The following TFCP2L1 variants were observed in gnomAD, a reference collection of about 807,000 sequenced individuals.
The protein encoded by TFCP2L1 is transcription factor CP2-like protein 1.
Under a neutral mutation model 72.2 loss-of-function variants are expected in TFCP2L1, and 12 were observed. The observed-to-expected ratio is 0.17, with a 90% confidence interval of 0.11 to 0.27. The LOEUF is 0.27. TFCP2L1 is among the 10% of genes least tolerant of loss of function. The pLI, the probability that TFCP2L1 is intolerant of heterozygous loss-of-function variation, is 1.00. For synonymous variants in TFCP2L1, 260 were observed against 251.0 expected (o/e 1.04, Z -0.34); for missense variants, 488 against 624.6 (o/e 0.78, Z 2.33).
chr2:121,235,377 A>G, intron 10 of TFCP2L1, 66 bp from the exon 11 acceptor site: 19 of 1,367,272 alleles, frequency 1.4e-5, no homozygotes, highest in Non-Finnish European at 1.9e-5. Flanking sequence ...GTCCCCAACC[A>G]GCTGCAGACC....
chr2:121,275,398 C>CAAAAAAAAAAAAAAAA lies in TFCP2L1; in HGVS notation c.214+5706_214+5721dup, dbSNP rs575514638. ...TGGGCGACAGCACGAGACTCCATCT[C>CAAAAAAAAAAAAAAAA]AAAAAAAAAAAAAAAAAGAAATAAC... On this transcript the variant is annotated intron_variant, in intron 2 of 14. Transcript: ENST00000263707. 6.2e-4 allele frequency among the ~76,000 whole-genome samples: 41 copies of CAAAAAAAAAAAAAAAA among 65,690 alleles called. 1 individual carries two copies. The highest frequency in any genetic ancestry group is 1.9e-3 in the African/African-American group (28 of 14,572). The allele number at this position is 65,690 out of a possible 152,430, so 43.1% of individuals were successfully genotyped here.
At position 121,277,542 on chromosome 2, in the gene TFCP2L1, G is replaced by A. The variant is rs371827058; in HGVS notation, c.214+3578C>T. 9.6e-4 allele frequency among the ~76,000 whole-genome samples: 146 copies of A among 152,168 alleles called. 4 individuals carry two copies. The South Asian group carries it at 0.028, about 29-fold the overall frequency. On this transcript the variant is annotated intron_variant, in intron 2 of 14. Transcript: ENST00000263707. ...TTGATCCAGAAATTCTACTTCTTAG[G>A]TATTTATTTTTAAAATACATAAATA...
intron 2 of TFCP2L1, among the ~76,000 whole-genome samples, chr2:121,262,753 G>C (rs1686850382): frequency 6.6e-6 from 1 of 152,166 alleles, no homozygotes; most frequent in Non-Finnish European, 1.5e-5. Context: ...AGGGTACCCA[G>C]AAGTCTCACT....
intron 2 of TFCP2L1, among the ~76,000 whole-genome samples, chr2:121,250,007 G>A (rs1417289981): frequency 1.3e-5 from 2 of 152,186 alleles, no homozygotes; most frequent in African/African-American, 4.8e-5. Context: ...GGAGAACACA[G>A]CTACTTAAGT....
At chr2:121,245,924 C>G (rs1331073754) in intron 6 of TFCP2L1, among the ~76,000 whole-genome samples, 2 of 152,254 alleles carry the variant, frequency 1.3e-5, no homozygotes, top group East Asian at 3.8e-4. Flanking sequence ...CCTCTTGGGT[C>G]TCCAGCCCCA....
chr2:121,265,361 A>G (rs1686907957), intron 2 of TFCP2L1, among the ~76,000 whole-genome samples: 1 of 152,210 alleles, frequency 6.6e-6, no homozygotes, highest in Non-Finnish European at 1.5e-5. Flanking sequence ...TTTCTCTAAG[A>G]AGGGACAAAA....
chr2:121,259,132 G>A (rs1319640823), intron 2 of TFCP2L1, among the ~76,000 whole-genome samples: 1 of 152,028 alleles, frequency 6.6e-6, no homozygotes. Context: ...CAGCTATTTG[G>A]GAAGCTTGGG....
chr2:121,248,538 C>A (rs1686536657), intron 4 of TFCP2L1, among the ~76,000 whole-genome samples: 1 of 152,172 alleles, frequency 6.6e-6, no homozygotes, highest in African/African-American at 2.4e-5. Flanking sequence ...TTCCCTGATG[C>A]TCTGGGTACA....
At chr2:121,237,206 T>G (rs1686267380) in intron 10 of TFCP2L1, among the ~76,000 whole-genome samples, 1 of 152,190 alleles carries the variant, frequency 6.6e-6, no homozygotes, top group Non-Finnish European at 1.5e-5. Context: ...AGAGCCCCCT[T>G]TCTGTCTCAC....
intron 2 of TFCP2L1, among the ~76,000 whole-genome samples, chr2:121,272,246 T>A (rs924110689): frequency 7.2e-5 from 11 of 152,212 alleles, no homozygotes; most frequent in African/African-American, 2.4e-4. Context: ...GAACGACGCA[T>A]CTTGGGAGAA....
chr2:121,273,639 T>G (rs1227496321), intron 2 of TFCP2L1, among the ~76,000 whole-genome samples: 1 of 152,160 alleles, frequency 6.6e-6, no homozygotes, highest in Non-Finnish European at 1.5e-5. Flanking sequence ...GTGGTTTAAG[T>G]GACTTTTTGA....
intron 7 of TFCP2L1, chr2:121,240,024 A>T (rs1026104698): frequency 6.1e-6 from 6 of 984,122 alleles, no homozygotes; most frequent in Admixed American, 6.1e-5. Flanking sequence ...AATTCGTGTA[A>T]ATGTCTGTTA....
At chr2:121,259,734 A>G (rs2104727224) in intron 2 of TFCP2L1, among the ~76,000 whole-genome samples, 1 of 152,370 alleles carries the variant, frequency 6.6e-6, no homozygotes, top group South Asian at 2.1e-4. Context: ...TTGTTTTAAA[A>G]TAAGTTATAC....
intron 2 of TFCP2L1, among the ~76,000 whole-genome samples, chr2:121,267,538 G>C (rs1310278640): frequency 6.6e-6 from 1 of 150,614 alleles, no homozygotes; most frequent in East Asian, 2.0e-4. Context: ...CTGTCACTCA[G>C]GCTGGAGTGC....
intron 12 of TFCP2L1, among the ~76,000 whole-genome samples, chr2:121,232,399 A>G (rs970769723): frequency 2.0e-5 from 3 of 152,126 alleles, no homozygotes; most frequent in African/African-American, 2.4e-5. Context: ...TCAGCCTCCC[A>G]AAGTGCTGGG....
intron 2 of TFCP2L1, among the ~76,000 whole-genome samples, chr2:121,254,884 A>G (rs1406452561): frequency 6.6e-6 from 1 of 151,992 alleles, no homozygotes; most frequent in Admixed American, 6.5e-5. Context: ...GAACAGCTGC[A>G]AACAGCTCCA....
At chr2:121,235,574 C>CTTTT (rs34634906) in intron 10 of TFCP2L1, among the ~76,000 whole-genome samples, 9 of 119,812 alleles carry the variant, frequency 7.5e-5, no homozygotes, top group African/African-American at 1.3e-4. Context: ...TTCTTTCTTT[C>CTTTT]TTTTTTTTTT....
chr2:121,282,454 G>A (rs1206037201), intron 1 of TFCP2L1, among the ~76,000 whole-genome samples: 2 of 150,624 alleles, frequency 1.3e-5, no homozygotes, highest in African/African-American at 2.4e-5. Flanking sequence ...GCTGAGGTGA[G>A]AAGACTGCTT....
At chr2:121,241,641 C>T (rs1686370436) in intron 7 of TFCP2L1, among the ~76,000 whole-genome samples, 2 of 152,046 alleles carry the variant, frequency 1.3e-5, no homozygotes, top group African/African-American at 4.8e-5. Context: ...GTGCTGACAC[C>T]CTCCAACCCC....
Sources: gnomAD v4.1 joint callset for allele counts (sites outside exome capture counted in the v4.1 genomes callset) on GRCh38, gnomAD v4.1.1 for gene constraint, MANE v1.5 for transcripts, NCBI Gene and HGNC (gene_info 2026-07-23, HGNC 2026-07-21) for gene names.